Variants in CNTNAP2 observed in about 807,000 individuals in gnomAD.
CNTNAP2 encodes contactin associated protein 2.
In CNTNAP2, 98 loss-of-function variants were observed where a neutral mutation model predicts 155.2. The observed-to-expected ratio is 0.63, with a 90% CI of 0.54 to 0.75. The LOEUF is 0.75. Among genes scored for constraint, CNTNAP2 ranks in the 30% least tolerant of loss-of-function variants. The pLI is 0.00. For missense variants in CNTNAP2, 1,727 were observed against 1,688.1 expected (o/e 1.02, Z -0.40); for synonymous variants, 651 against 631.2 (o/e 1.03, Z -0.47).
chr7:147,816,692 T>G (rs1798271828), intron 13 of CNTNAP2, among the ~76,000 whole-genome samples: 1 of 152,126 alleles, frequency 6.6e-6, no homozygotes, highest in Admixed American at 6.5e-5. Flanking sequence ...TTAAAGGGAG[T>G]TATATTTTTC....
At chr7:147,652,917 C>T (rs117356703) in intron 13 of CNTNAP2, among the ~76,000 whole-genome samples, 2 of 152,208 alleles carry the variant, frequency 1.3e-5, no homozygotes, top group Admixed American at 6.5e-5. Context: ...CCAAAAGAGA[C>T]ATTTATAAGA....
intron 11 of CNTNAP2, among the ~76,000 whole-genome samples, chr7:147,493,964 T>C (rs1798651350): frequency 6.6e-6 from 1 of 152,202 alleles, no homozygotes; most frequent in Non-Finnish European, 1.5e-5. Context: ...TTCAATAGAA[T>C]ATATGCAAGT....
chr7:146,197,493 C>A (rs1157008665), intron 1 of CNTNAP2, among the ~76,000 whole-genome samples: 2 of 152,100 alleles, frequency 1.3e-5, no homozygotes, highest in Non-Finnish European at 2.9e-5. Flanking sequence ...AGCAGCTATA[C>A]CTTTAAAAGT....
chr7:148,171,598 T>C (rs1805795656), intron 17 of CNTNAP2, among the ~76,000 whole-genome samples: 1 of 152,246 alleles, frequency 6.6e-6, no homozygotes. Flanking sequence ...TATTGTGCTA[T>C]ATGTCGTGTA....
chr7:146,153,978 T>C (rs560368768), intron 1 of CNTNAP2, among the ~76,000 whole-genome samples: 31 of 152,290 alleles, frequency 2.0e-4, no homozygotes, highest in African/African-American at 7.2e-4. Context: ...TTTAAATACA[T>C]TCATATGAAT....
intron 14 of CNTNAP2, among the ~76,000 whole-genome samples, chr7:147,913,333 G>C (rs187201954): frequency 6.6e-6 from 1 of 152,236 alleles, no homozygotes; most frequent in East Asian, 1.9e-4. Context: ...GAGCAATATG[G>C]AAGTACTTGC....
chr7:147,623,899 A>ACAGC, intron 12 of CNTNAP2, among the ~76,000 whole-genome samples: 1 of 152,270 alleles, frequency 6.6e-6, no homozygotes, highest in Non-Finnish European at 1.5e-5. Context: ...ACAGCATGGT[A>ACAGC]CAGCATAAAA....
In CNTNAP2 at chr7:147,301,048, T is replaced by C. The variant is rs1186425899; in HGVS notation, c.1498+758T>C. On this transcript the variant is annotated intron_variant, in intron 9 of 23. Coordinates refer to ENST00000361727, the MANE Select transcript of CNTNAP2 (RefSeq NM_014141.6). Reference sequence around the variant, plus strand: ...TTATTTTCAACCTGTGGGAAGTGAGTCACTAAATCCCGTCCACAGTTAAAG... The same window carrying C: ...TTATTTTCAACCTGTGGGAAGTGAGCCACTAAATCCCGTCCACAGTTAAAG... 4.9e-4 allele frequency among the ~76,000 whole-genome samples: 75 copies of C among 152,058 alleles called. 3 individuals are homozygous for C. Among genetic ancestry groups the C allele is most frequent in the Admixed American group, 4.9e-3 (75 of 15,244 alleles).
At chr7:147,024,457 C>T (rs1360769596) in intron 3 of CNTNAP2, among the ~76,000 whole-genome samples, 2 of 151,980 alleles carry the variant, frequency 1.3e-5, no homozygotes, top group African/African-American at 4.8e-5. Context: ...TTGGAGGAAA[C>T]GGGGGAAGGT....
chr7:147,642,139 C>A (rs151224914), intron 13 of CNTNAP2, among the ~76,000 whole-genome samples: 1 of 152,074 alleles, frequency 6.6e-6, no homozygotes, highest in Non-Finnish European at 1.5e-5. Flanking sequence ...TTCACTGTTT[C>A]ATGAGCGGCT....
intron 12 of CNTNAP2, among the ~76,000 whole-genome samples, chr7:147,590,349 G>A (rs1800714144): frequency 6.6e-6 from 1 of 152,112 alleles, no homozygotes; most frequent in Admixed American, 6.6e-5. Flanking sequence ...GGAAGCAGGT[G>A]GAGATAATTG....
intron 1 of CNTNAP2, among the ~76,000 whole-genome samples, chr7:146,631,506 T>A (rs1332498222): frequency 6.6e-6 from 1 of 152,132 alleles, no homozygotes; most frequent in African/African-American, 2.4e-5. Flanking sequence ...TCCTCTTCCA[T>A]GTGAGAGCCT....
chr7:147,363,398 T>C (rs1160820818), intron 9 of CNTNAP2, among the ~76,000 whole-genome samples: 1 of 152,226 alleles, frequency 6.6e-6, no homozygotes, highest in African/African-American at 2.4e-5. Flanking sequence ...CAGCTCAAAC[T>C]AAGACACCTA....
rs1204683595 is a variant in CNTNAP2, at chr7:146,968,345, C to A, written c.403-75562C>A. On this transcript the variant is annotated intron_variant, in intron 3 of 23. Transcript: ENST00000361727. ...CTCATAAAATGAGTTAGGGAGGATTCCCTCTTTTTCTATTGATTGGAATAG... is the reference window on the plus strand; with the variant it reads ...CTCATAAAATGAGTTAGGGAGGATTACCTCTTTTTCTATTGATTGGAATAG... Among the ~76,000 whole-genome samples the A allele has an allele frequency of 4.6e-5, 7 of 151,776 alleles. No homozygotes were observed. The East Asian group carries it at 1.2e-3, about 25-fold the overall frequency.
At chr7:147,798,911 G>A (rs1045447384) in intron 13 of CNTNAP2, among the ~76,000 whole-genome samples, 4 of 152,164 alleles carry the variant, frequency 2.6e-5, no homozygotes, top group Non-Finnish European at 5.9e-5. Flanking sequence ...GTCTAACCGT[G>A]TTTTCCTCCT....
chr7:146,254,487 G>A (rs1489352915), intron 1 of CNTNAP2, among the ~76,000 whole-genome samples: 1 of 152,222 alleles, frequency 6.6e-6, no homozygotes, highest in Non-Finnish European at 1.5e-5. Flanking sequence ...AAGTAAGACA[G>A]TAAATGGAGG....
At chr7:146,247,988 AG>A (rs894727807) in intron 1 of CNTNAP2, among the ~76,000 whole-genome samples, 47 of 151,194 alleles carry the variant, frequency 3.1e-4, no homozygotes, top group African/African-American at 1.1e-3. Context: ...GAGATATAAG[AG>A]GTTGGGGCAC....
At chr7:147,586,868 G>A (rs916767400) in intron 12 of CNTNAP2, among the ~76,000 whole-genome samples, 9 of 152,094 alleles carry the variant, frequency 5.9e-5, no homozygotes, top group African/African-American at 2.2e-4. Context: ...CTGTGGCCTG[G>A]CAACAGAGTC....
At chr7:147,764,571 T>C (rs549603660) in intron 13 of CNTNAP2, among the ~76,000 whole-genome samples, 1 of 152,144 alleles carries the variant, frequency 6.6e-6, no homozygotes, top group East Asian at 1.9e-4. Flanking sequence ...AAATTGAACA[T>C]AGAATTGTCT....
Sources: gnomAD v4.1 joint callset for allele counts (sites outside exome capture counted in the v4.1 genomes callset) on GRCh38, gnomAD v4.1.1 for gene constraint, MANE v1.5 for transcripts, NCBI Gene and HGNC (gene_info 2026-07-23, HGNC 2026-07-21) for gene names.